PTGER3: variants seen among roughly 807,000 people sequenced by gnomAD.
The protein encoded by PTGER3 is prostaglandin E2 receptor EP3 subtype.
PTGER3 carries 22 observed loss-of-function variants against 34.7 expected under a neutral mutation model. That is an observed-to-expected ratio of 0.63 (90% CI 0.45 to 0.91). The LOEUF is 0.91. Among genes scored for constraint, PTGER3 ranks in the 40% least tolerant of loss-of-function variants. The pLI is 0.00. For missense variants in PTGER3, 468 were observed against 519.4 expected (o/e 0.90, Z 0.96); for synonymous variants, 241 against 230.1 (o/e 1.05, Z -0.43).
chr1:70,985,279 TG>T (rs1161938736), intron 2 of PTGER3, among the ~76,000 whole-genome samples: 5 of 151,982 alleles, frequency 3.3e-5, no homozygotes, highest in Admixed American at 1.3e-4. Context: ...TGTGTGGACA[TG>T]AAGGAGAAAG....
chr1:71,036,432 A>C (rs1397165882), intron 1 of PTGER3, among the ~76,000 whole-genome samples: 2 of 152,162 alleles, frequency 1.3e-5, no homozygotes, highest in Non-Finnish European at 1.5e-5. Context: ...CTGGAGGATC[A>C]CTTGAGCCCA....
intron 4 of PTGER3, among the ~76,000 whole-genome samples, chr1:70,853,257 A>G (rs1028740863): frequency 6.6e-6 from 1 of 152,204 alleles, no homozygotes. Flanking sequence ...GTTCTAGGCT[A>G]ATTTCAATTT....
At chr1:70,895,302 A>G (rs994536309) in intron 4 of PTGER3, among the ~76,000 whole-genome samples, 2 of 152,216 alleles carry the variant, frequency 1.3e-5, no homozygotes, top group African/African-American at 4.8e-5. Context: ...GTTGCTGGTC[A>G]TGAATAGCAA....
At chr1:70,905,257 T>C (rs1646920431) in intron 4 of PTGER3, among the ~76,000 whole-genome samples, 1 of 151,292 alleles carries the variant, frequency 6.6e-6, no homozygotes, top group Non-Finnish European at 1.5e-5. Context: ...GACAACCTTC[T>C]GCAGTGCAGA....
In PTGER3 at chr1:70,858,201, C is replaced by CTTT. The variant is rs35355255; in HGVS notation, c.*24-5345_*24-5343dup. Reference sequence around the variant, plus strand: ...CAGGGATTAATACAAAACACAGATTCTTTTTTTTTTTTTTTTTGGTACAAC... The same window carrying CTTT: ...CAGGGATTAATACAAAACACAGATTCTTTTTTTTTTTTTTTTTTTTGGTACAAC... On this transcript the variant is annotated intron_variant, in intron 4 of 4. Coordinates refer to the PTGER3 transcript ENST00000370931. Among the ~76,000 whole-genome samples, 74 of 134,106 alleles carry CTTT rather than the reference C, an allele frequency of 5.5e-4. 1 individual carries two copies. The highest frequency in any genetic ancestry group is 1.3e-3 in the African/African-American group (47 of 36,848). 88.0% of individuals were successfully genotyped at this position (134,106 alleles called of 152,430 possible).
At chr1:70,952,861 G>A (rs967343879) in exon 4 of PTGER3, 36 of 1,532,282 alleles carry the variant, frequency 2.3e-5, no homozygotes, top group African/African-American at 4.2e-5. Flanking sequence ...AGCTGGAGGA[G>A]CTTGCTTTTT....
chr1:70,955,013 T>A lies in PTGER3; in HGVS notation c.1078-1224A>T, dbSNP rs931339959. Among the ~76,000 whole-genome samples the A allele has an allele frequency of 3.9e-5, 6 of 152,298 alleles. No homozygotes were observed. The East Asian group carries it at 5.8e-4, about 15-fold the overall frequency. On this transcript the variant is annotated intron_variant, in intron 2 of 3. Coordinates refer to the PTGER3 transcript ENST00000356595. ...GAAGGAAGCTAAGATTTTAGTCTCATCATTTCTTTAAGAAACTATAATTAT... is the reference window on the plus strand; with the variant it reads ...GAAGGAAGCTAAGATTTTAGTCTCAACATTTCTTTAAGAAACTATAATTAT...
chr1:70,948,177 T>C (rs1054472459), downstream of PTGER3, among the ~76,000 whole-genome samples: 7 of 152,108 alleles, frequency 4.6e-5, no homozygotes, highest in Admixed American at 3.3e-4. Context: ...GCCACTGATA[T>C]GCTTTGGCTG....
chr1:71,012,170 T>C, intron 2 of PTGER3, 135 bp downstream of exon 2: 1 of 1,574,658 alleles, frequency 6.4e-7, no homozygotes, highest in Non-Finnish European at 8.6e-7. Flanking sequence ...GGTTTAGCGA[T>C]ATTTGTTACC....
At chr1:71,028,330 A>G (rs1366084534) in intron 1 of PTGER3, among the ~76,000 whole-genome samples, 1 of 152,202 alleles carries the variant, frequency 6.6e-6, no homozygotes, top group Non-Finnish European at 1.5e-5. Flanking sequence ...GCGGGGAACA[A>G]GCCGTAGGAT....
At chr1:70,872,546 G>T (rs1646184620) in intron 4 of PTGER3, among the ~76,000 whole-genome samples, 1 of 152,148 alleles carries the variant, frequency 6.6e-6, no homozygotes, top group East Asian at 1.9e-4. Context: ...TCTACCTTTG[G>T]TCTCCATTTA....
chr1:70,880,381 T>C (rs1399714953), intron 4 of PTGER3, among the ~76,000 whole-genome samples: 2 of 151,748 alleles, frequency 1.3e-5, no homozygotes, highest in Non-Finnish European at 2.9e-5. Flanking sequence ...ATTTCTTTTT[T>C]CTTTTTTTTT....
At position 70,930,577 on chromosome 1, in the gene PTGER3, T is replaced by G. The variant is rs117875714; in HGVS notation, c.*23+23186A>C. ...AAGAGGTTTAATTGGACTTACAGTTTCACATGGCTAGGGGGGCCTCAGAAT... is the reference window on the plus strand; with the variant it reads ...AAGAGGTTTAATTGGACTTACAGTTGCACATGGCTAGGGGGGCCTCAGAAT... On this transcript the variant is annotated intron_variant, in intron 4 of 4. Transcript: ENST00000370931. 4.6e-3 allele frequency among the ~76,000 whole-genome samples: 703 copies of G among 152,200 alleles called. 29 individuals carry two copies. In the East Asian group the frequency reaches 0.1, roughly 22 times the overall value.
chr1:70,966,961 C>T (rs558103312), downstream of PTGER3, among the ~76,000 whole-genome samples: 1 of 151,872 alleles, frequency 6.6e-6, no homozygotes, highest in Non-Finnish European at 1.5e-5. Flanking sequence ...GGGGTATATA[C>T]CCAGTAATAG....
At chr1:70,952,750 G>A (rs1472231775) in exon 4 of PTGER3, 2 of 1,290,394 alleles carry the variant, frequency 1.5e-6, no homozygotes. Context: ...ATATGCCCAT[G>A]TTTGCCCAAA....
rs1653074747 is a variant in PTGER3 at position 70,971,505 on chromosome 1, T to C, written c.*225A>G. ...AATTCTTCCCAACTTCTTAAATGCA[T>C]ATTCAAAATCCCATCCAAGAAACCA... On this transcript the variant is annotated 3_prime_UTR_variant, in exon 4 of 4. Coordinates refer to ENST00000306666, the MANE Select transcript of PTGER3 (RefSeq NM_198719.2). The C allele has an allele frequency of 8.3e-7, 1 of 1,205,402 alleles. No individual in the cohort carries two copies. The highest frequency in any genetic ancestry group is 1.6e-5 in the African/African-American group (1 of 63,328). 74.7% of individuals were successfully genotyped at this position (1,205,402 alleles called of 1,614,324 possible). A position where few individuals can be genotyped will look rare whatever the true frequency, so the allele number is the denominator to read the frequency against.
At chr1:70,900,044 G>A (rs1281875335) in intron 4 of PTGER3, among the ~76,000 whole-genome samples, 2 of 152,124 alleles carry the variant, frequency 1.3e-5, no homozygotes, top group Non-Finnish European at 2.9e-5. Context: ...CTTTCCCACA[G>A]AGGTGCAAGC....
At chr1:70,953,681 T>C in intron 3 of PTGER3, 4 of 1,521,122 alleles carry the variant, frequency 2.6e-6, no homozygotes, top group Non-Finnish European at 3.5e-6. Context: ...TTTAAGGAAA[T>C]ATGACAAACA....
At chr1:70,864,399 A>G (rs1045207875) in intron 4 of PTGER3, among the ~76,000 whole-genome samples, 1 of 152,184 alleles carries the variant, frequency 6.6e-6, no homozygotes, top group African/African-American at 2.4e-5. Context: ...CACACTGTTG[A>G]CTAATAACTT....
Sources: allele counts gnomAD v4.1 joint callset (sites outside exome capture counted in the v4.1 genomes callset), GRCh38; gene constraint gnomAD v4.1.1; transcripts MANE v1.5; gene names NCBI Gene and HGNC (gene_info 2026-07-23, HGNC 2026-07-21).